GRHL2: variants seen among roughly 807,000 people sequenced by gnomAD.
GRHL2 encodes grainyhead-like protein 2 homolog.
Under a neutral mutation model 83.8 loss-of-function variants are expected in GRHL2, and 21 were observed. The ratio of observed to expected loss-of-function variants is 0.25; its 90% CI spans 0.18 to 0.36. GRHL2 has a LOEUF of 0.36. Ranked by LOEUF, GRHL2 falls within the 10% of genes least tolerant of loss-of-function variation. The probability of loss-of-function intolerance (pLI) is 1.00; values close to 1 mark genes in which losing one functional copy is unlikely to be tolerated. For missense variants in GRHL2, 623 were observed against 781.8 expected, an observed-to-expected ratio of 0.80 and a Z score of 2.42; for synonymous variants, 280 against 278.9, an observed-to-expected ratio of 1.00 and a Z score of -0.04.
At chr8:101,647,561 C>A (rs1813537574) in intron 13 of GRHL2, among the ~76,000 whole-genome samples, 1 of 152,056 alleles carries the variant, frequency 6.6e-6, no homozygotes, top group African/African-American at 2.4e-5. Context: ...AACATTGAGT[C>A]CTCTTATAAT....
intron 13 of GRHL2, among the ~76,000 whole-genome samples, chr8:101,645,934 C>T (rs955141397): frequency 3.3e-5 from 5 of 152,054 alleles, no homozygotes; most frequent in South Asian, 2.1e-4. Context: ...AGTGCAGTGG[C>T]GTGATTTCAG....
At chr8:101,677,074 G>T in the GRHL2 span, among the ~76,000 whole-genome samples, 1 of 151,882 alleles carries the variant, frequency 6.6e-6, no homozygotes, top group East Asian at 1.9e-4. Context: ...GGTGGGGTGA[G>T]GGGGGGATAG....
chr8:101,556,823 C>CCCTAGTCCTTCAAATTACCATGTTTGT, intron 3 of GRHL2, among the ~76,000 whole-genome samples: 2 of 152,296 alleles, frequency 1.3e-5, no homozygotes, highest in East Asian at 1.9e-4. Context: ...CCTCCCCACT[C>CCCTAGTCCTTCAAATTACCATGTTTGT]CCTAGTCCTT....
chr8:101,561,748 T>A (rs1281418870), intron 4 of GRHL2, among the ~76,000 whole-genome samples: 2 of 152,222 alleles, frequency 1.3e-5, no homozygotes, highest in African/African-American at 2.4e-5. Context: ...CCATTTTACA[T>A]CCACAATTCA....
intron 7 of GRHL2, among the ~76,000 whole-genome samples, chr8:101,583,833 C>A (rs1434573563): frequency 6.6e-6 from 1 of 152,232 alleles, no homozygotes; most frequent in Non-Finnish European, 1.5e-5. Flanking sequence ...ACATTAACTT[C>A]ATAGAGTGAA....
At chr8:101,657,536 C>T (rs1407636944) in intron 14 of GRHL2, among the ~76,000 whole-genome samples, 2 of 152,046 alleles carry the variant, frequency 1.3e-5, no homozygotes, top group African/African-American at 4.8e-5. Context: ...TCAGTTGAGA[C>T]AACTTGAAAA....
intron 11 of GRHL2, among the ~76,000 whole-genome samples, chr8:101,636,137 CAA>C (rs1813280421): frequency 6.6e-6 from 1 of 152,222 alleles, no homozygotes; most frequent in African/African-American, 2.4e-5. Flanking sequence ...ATAATTGGGT[CAA>C]GAGGACATAT....
At chr8:101,677,067 G>T in the GRHL2 span, among the ~76,000 whole-genome samples, 1 of 151,964 alleles carries the variant, frequency 6.6e-6, no homozygotes, top group Non-Finnish European at 1.5e-5. Context: ...GTTGTGGGGT[G>T]GGGTGAGGGG....
At chr8:101,608,588 AGCTCC>A (rs386728292) in intron 8 of GRHL2, among the ~76,000 whole-genome samples, 4,809 of 152,270 alleles carry the variant, frequency 0.032, 205 homozygotes, top group African/African-American at 0.095. Flanking sequence ...AGAGAGAGGC[AGCTCC>A]ATTTTTTATT....
chr8:101,565,969 A>G (rs1811709250), intron 4 of GRHL2, among the ~76,000 whole-genome samples: 1 of 152,184 alleles, frequency 6.6e-6, no homozygotes, highest in Non-Finnish European at 1.5e-5. Context: ...ATATTCATCT[A>G]GTCTGAAACT....
At chr8:101,524,039 A>G (rs536250666) in intron 1 of GRHL2, among the ~76,000 whole-genome samples, 2 of 152,306 alleles carry the variant, frequency 1.3e-5, no homozygotes, top group East Asian at 1.9e-4. Context: ...CTCAGGGTAT[A>G]ACTTGGTTAA....
At chr8:101,591,359 G>A (rs56653568) in intron 7 of GRHL2, among the ~76,000 whole-genome samples, 119 of 152,084 alleles carry the variant, frequency 7.8e-4, no homozygotes, top group African/African-American at 2.8e-3. Flanking sequence ...TTTTTCTTTC[G>A]ATCTTCACAG....
intron 9 of GRHL2, among the ~76,000 whole-genome samples, chr8:101,620,597 G>T (rs1737397943): frequency 6.6e-6 from 1 of 152,148 alleles, no homozygotes; most frequent in Non-Finnish European, 1.5e-5. Context: ...CCTATGATTA[G>T]GTGACAGAAG....
chr8:101,593,598 C>T (rs973111255), intron 7 of GRHL2, among the ~76,000 whole-genome samples: 2 of 152,088 alleles, frequency 1.3e-5, no homozygotes, highest in South Asian at 2.1e-4. Context: ...GAATCCCAGA[C>T]GTAGGAGGTT....
At chr8:101,523,834 T>G (rs1245250984) in intron 1 of GRHL2, among the ~76,000 whole-genome samples, 1 of 152,110 alleles carries the variant, frequency 6.6e-6, no homozygotes, top group Admixed American at 6.6e-5. Flanking sequence ...AACCACTAAA[T>G]AAAGACAAAT....
intron 1 of GRHL2, among the ~76,000 whole-genome samples, chr8:101,526,297 A>G (rs1482866990): frequency 6.6e-6 from 1 of 152,222 alleles, no homozygotes; most frequent in African/African-American, 2.4e-5. Context: ...ATTAAAATCT[A>G]TAGGCTTGTC....
At chr8:101,519,329 T>C (rs1586414057) in intron 1 of GRHL2, among the ~76,000 whole-genome samples, 2 of 152,260 alleles carry the variant, frequency 1.3e-5, no homozygotes, top group South Asian at 2.1e-4. Context: ...TGGCCCTTCA[T>C]TGATTCTTCT....
chr8:101,653,298 A>G (rs1329485937), intron 14 of GRHL2, among the ~76,000 whole-genome samples: 2 of 152,218 alleles, frequency 1.3e-5, no homozygotes, highest in African/African-American at 4.8e-5. Flanking sequence ...AAAAATGCTC[A>G]GTGAGTAGAA....
At chr8:101,496,260 A>G (rs563480030) in intron 1 of GRHL2, among the ~76,000 whole-genome samples, 1 of 150,680 alleles carries the variant, frequency 6.6e-6, no homozygotes, top group South Asian at 2.1e-4. Flanking sequence ...GAGTCCTGCT[A>G]TTATTCAGAA....
Sources: allele counts gnomAD v4.1 joint callset (sites outside exome capture counted in the v4.1 genomes callset), GRCh38; gene constraint gnomAD v4.1.1; transcripts MANE v1.5; gene names NCBI Gene and HGNC (gene_info 2026-07-23, HGNC 2026-07-21).